Variants in ATP8B1 observed in about 807,000 individuals in gnomAD.
ATP8B1 encodes the protein phospholipid-transporting ATPase IC.
Under a neutral mutation model 149.9 loss-of-function variants are expected in ATP8B1, and 80 were observed. The ratio of observed to expected loss-of-function variants is 0.53; its 90% CI spans 0.45 to 0.64. The LOEUF is 0.64. Ranked by LOEUF, ATP8B1 falls within the 30% of genes least tolerant of loss-of-function variation. ATP8B1 has a pLI of 0.00. For synonymous variants in ATP8B1, 536 were observed against 562.8 expected, an observed-to-expected ratio of 0.95 and a Z score of 0.67; for missense variants, 1,247 against 1,552.6, an observed-to-expected ratio of 0.80 and a Z score of 3.31.
intron 2 of ATP8B1, among the ~76,000 whole-genome samples, chr18:57,712,756 G>C (rs1289556968): frequency 6.6e-6 from 1 of 151,752 alleles, no homozygotes; most frequent in Non-Finnish European, 1.5e-5. Flanking sequence ...TTGAGGAGAT[G>C]AGAGGGAGGA....
intron 1 of ATP8B1, among the ~76,000 whole-genome samples, chr18:57,782,922 C>T (rs1417547661): frequency 1.4e-5 from 2 of 144,318 alleles, no homozygotes; most frequent in East Asian, 2.3e-4. Context: ...AAGCAATTCT[C>T]GTGGCTCAAC....
intron 4 of ATP8B1, among the ~76,000 whole-genome samples, chr18:57,703,576 CAAAA>C (rs35128451): frequency 5.3e-5 from 7 of 131,690 alleles, no homozygotes; most frequent in South Asian, 2.4e-4. Context: ...AACACGGTCT[CAAAA>C]AAAAAAAAAA....
chr18:57,732,217 GTA>G (rs1486120472), intron 1 of ATP8B1, among the ~76,000 whole-genome samples: 9 of 13,552 alleles, frequency 6.6e-4, no homozygotes, highest in Non-Finnish European at 1.3e-3. Flanking sequence ...GTATATATGT[GTA>G]TATATGTATA....
chr18:57,776,374 A>C (rs2080306184), intron 1 of ATP8B1, among the ~76,000 whole-genome samples: 1 of 152,230 alleles, frequency 6.6e-6, no homozygotes, highest in Non-Finnish European at 1.5e-5. Context: ...GGCTTCTACC[A>C]CTCTTGAAAG....
chr18:57,664,390 C>A (rs550436391), intron 20 of ATP8B1, among the ~76,000 whole-genome samples: 1 of 150,652 alleles, frequency 6.6e-6, no homozygotes, highest in African/African-American at 2.4e-5. Context: ...CCTGTAATCC[C>A]AGTTACTTGG....
In ATP8B1 at chr18:57,752,350, G is replaced by A. The variant is rs188270484; in HGVS notation, c.-25-20518C>T. ...TCCTGTCTGAGGTTAGACAGATAGGGGATGAAATCCCAGCTCTAAGGCCTG... is the reference window on the plus strand; with the variant it reads ...TCCTGTCTGAGGTTAGACAGATAGGAGATGAAATCCCAGCTCTAAGGCCTG... On this transcript the variant is annotated intron_variant, in intron 1 of 27. Transcript: ENST00000648908. 1.6e-4 allele frequency among the ~76,000 whole-genome samples: 24 copies of A among 152,182 alleles called. No homozygotes were observed. In the East Asian group the frequency reaches 4.2e-3, roughly 27 times the overall value.
At chr18:57,708,202 G>C (rs548612606) in intron 2 of ATP8B1, among the ~76,000 whole-genome samples, 1 of 149,926 alleles carries the variant, frequency 6.7e-6, no homozygotes, top group Non-Finnish European at 1.5e-5. Flanking sequence ...AGACTATTGA[G>C]GAATGCAAAT....
At chr18:57,709,685 A>ATTTT (rs35159873) in intron 2 of ATP8B1, among the ~76,000 whole-genome samples, 1 of 146,764 alleles carries the variant, frequency 6.8e-6, no homozygotes, top group Non-Finnish European at 1.5e-5. Context: ...TTCTTTTTTC[A>ATTTT]TTTTTTTTTT....
chr18:57,765,118 C>G (rs2080198694), intron 1 of ATP8B1, among the ~76,000 whole-genome samples: 2 of 152,192 alleles, frequency 1.3e-5, no homozygotes, highest in Non-Finnish European at 2.9e-5. Context: ...AAAAGGAAAT[C>G]CTGGCACATG....
chr18:57,677,283 T>A (rs1409872835), intron 15 of ATP8B1, among the ~76,000 whole-genome samples: 1 of 152,234 alleles, frequency 6.6e-6, no homozygotes, highest in African/African-American at 2.4e-5. Context: ...TATATACTTA[T>A]GATACGTACA....
At chr18:57,697,472 C>T (rs1285997519) in intron 8 of ATP8B1, 146 bp downstream of exon 8, 12 of 853,912 alleles carry the variant, frequency 1.4e-5, no homozygotes, top group South Asian at 2.7e-5. Flanking sequence ...TTCACAGAGG[C>T]GCAAAGGTGA....
At chr18:57,787,481 C>CTGCGGGAGGAGCTCCATCTAGAACAA (rs2080421017) in intron 1 of ATP8B1, among the ~76,000 whole-genome samples, 3 of 148,670 alleles carry the variant, frequency 2.0e-5, no homozygotes, top group Non-Finnish European at 3.0e-5. Flanking sequence ...ATCTAGAACA[C>CTGCGGGAGGAGCTCCATCTAGAACAA]TGCGGGAGGA....
At chr18:57,715,951 CTG>C (rs1326210656) in intron 2 of ATP8B1, among the ~76,000 whole-genome samples, 14 of 152,162 alleles carry the variant, frequency 9.2e-5, no homozygotes. Flanking sequence ...TAGTATAACA[CTG>C]TGACTGTGAC....
chr18:57,692,484 G>A (rs11152028), intron 11 of ATP8B1, among the ~76,000 whole-genome samples: 11,264 of 142,248 alleles, frequency 0.079, 603 homozygotes, highest in Middle Eastern at 0.17. Context: ...CACCCAGGCT[G>A]GAGTGCAGTG....
At chr18:57,732,255 A>G (rs71365347) in intron 1 of ATP8B1, among the ~76,000 whole-genome samples, 7 of 67,888 alleles carry the variant, frequency 1.0e-4, no homozygotes, top group South Asian at 5.3e-4. Context: ...GTATATATGT[A>G]TATATGTGTA....
chr18:57,761,976 A>T (rs1035978717), intron 1 of ATP8B1, among the ~76,000 whole-genome samples: 1 of 147,974 alleles, frequency 6.8e-6, no homozygotes, highest in African/African-American at 2.5e-5. Context: ...AAGGATTATT[A>T]CTGAATAGTT....
intron 19 of ATP8B1, chr18:57,668,208 G>A (rs1387758968): frequency 6.9e-7 from 1 of 1,447,708 alleles, no homozygotes; most frequent in Non-Finnish European, 9.1e-7. Flanking sequence ...ATGGCCAGGA[G>A]CTAAATTATA....
rs150174502 is a variant in ATP8B1 at position 57,701,348 on chromosome 18, G to A, written c.394-35C>T. The A allele has an allele frequency of 6.4e-6, 10 of 1,570,298 alleles. No individual in the cohort carries two copies. The East Asian group carries it at 2.2e-4, about 35-fold the overall frequency. On this transcript the variant is annotated intron_variant, in intron 4 of 27. Transcript: ENST00000648908. Reference sequence around the variant, plus strand: ...TAAAAGGGCTTATGTGTGTGTCCATGAAGGCATATCAAGCTTACAGGTAAC... The same window carrying A: ...TAAAAGGGCTTATGTGTGTGTCCATAAAGGCATATCAAGCTTACAGGTAAC...
chr18:57,739,283 C>T (rs2079887828), intron 1 of ATP8B1, among the ~76,000 whole-genome samples: 1 of 152,166 alleles, frequency 6.6e-6, no homozygotes, highest in Non-Finnish European at 1.5e-5. Context: ...CAGGCATGAG[C>T]CACCATGCCT....
Sources: gnomAD v4.1 joint callset for allele counts (sites outside exome capture counted in the v4.1 genomes callset) on GRCh38, gnomAD v4.1.1 for gene constraint, MANE v1.5 for transcripts, NCBI Gene and HGNC (gene_info 2026-07-23, HGNC 2026-07-21) for gene names.